The following NR5A2 variants were observed in gnomAD, a reference collection of about 807,000 sequenced individuals.
The protein encoded by NR5A2 is CYP7A promoter-binding factor.
In NR5A2, 26 loss-of-function variants were observed where a neutral mutation model predicts 62.7. That is an observed-to-expected ratio of 0.41 (90% CI 0.30 to 0.58). The LOEUF (loss-of-function observed/expected upper bound fraction) is 0.58. Ranked by LOEUF, NR5A2 falls within the 20% of genes least tolerant of loss-of-function variation. The probability of loss-of-function intolerance (pLI) is 0.22; values close to 1 mark genes in which losing one functional copy is unlikely to be tolerated. For missense variants in NR5A2, 541 were observed against 669.1 expected, an observed-to-expected ratio of 0.81 and a Z score of 2.11; for synonymous variants, 246 against 241.7, an observed-to-expected ratio of 1.02 and a Z score of -0.16.
intron 5 of NR5A2, among the ~76,000 whole-genome samples, chr1:200,091,761 G>A (rs1008094927): frequency 6.6e-6 from 1 of 152,196 alleles, no homozygotes; most frequent in African/African-American, 2.4e-5. Flanking sequence ...GGGATTACAG[G>A]CGTGAGCCAC....
chr1:200,137,882 A>G (rs896339620), intron 7 of NR5A2, among the ~76,000 whole-genome samples: 1 of 152,208 alleles, frequency 6.6e-6, no homozygotes, highest in Non-Finnish European at 1.5e-5. Context: ...GACAGCCCAT[A>G]TCAAAAGGGA....
intron 7 of NR5A2, among the ~76,000 whole-genome samples, chr1:200,127,605 G>T (rs1571522553): frequency 7.0e-6 from 1 of 142,372 alleles, no homozygotes; most frequent in African/African-American, 2.6e-5. Context: ...TCAACCCAGG[G>T]GGCGGAGGTT....
chr1:200,111,407 CTCTT>C, intron 6 of NR5A2, 86 bp downstream of exon 6: 2 of 1,447,234 alleles, frequency 1.4e-6, no homozygotes, highest in Non-Finnish European at 1.8e-6. Context: ...GTCAGAAGCA[CTCTT>C]GTGCTTTGAA....
intron 5 of NR5A2, among the ~76,000 whole-genome samples, chr1:200,093,142 G>A (rs1000137403): frequency 6.6e-6 from 1 of 152,008 alleles, no homozygotes; most frequent in African/African-American, 2.4e-5. Context: ...CTGACCTTGT[G>A]ATCCACCCAT....
chr1:200,120,237 A>C (rs1404889720), intron 6 of NR5A2, among the ~76,000 whole-genome samples: 2 of 152,236 alleles, frequency 1.3e-5, no homozygotes, highest in East Asian at 3.8e-4. Context: ...GTCTCATAAT[A>C]CAAGTAGAAA....
chr1:200,049,810 C>A (rs1207278240), intron 5 of NR5A2, among the ~76,000 whole-genome samples: 1 of 152,126 alleles, frequency 6.6e-6, no homozygotes, highest in East Asian at 1.9e-4. Context: ...AAGGAAAATG[C>A]AAAGCCGACT....
intron 5 of NR5A2, among the ~76,000 whole-genome samples, chr1:200,093,831 C>A (rs1664931218): frequency 1.3e-5 from 2 of 152,140 alleles, no homozygotes; most frequent in South Asian, 4.1e-4. Flanking sequence ...ATTGAATTAA[C>A]CTCATTCTTT....
chr1:200,049,818 A>G (rs988725248), intron 5 of NR5A2, among the ~76,000 whole-genome samples: 4 of 152,288 alleles, frequency 2.6e-5, no homozygotes, highest in Admixed American at 2.6e-4. Flanking sequence ...TGCAAAGCCG[A>G]CTTTTAATTT....
intron 5 of NR5A2, among the ~76,000 whole-genome samples, chr1:200,091,465 C>A (rs1190937409): frequency 6.6e-6 from 1 of 150,758 alleles, no homozygotes; most frequent in East Asian, 1.9e-4. Context: ...TTTGCACCTC[C>A]TTACCCTTTG....
chr1:200,049,407 GC>G (rs771770339), intron 5 of NR5A2, among the ~76,000 whole-genome samples: 2 of 152,174 alleles, frequency 1.3e-5, no homozygotes, highest in Non-Finnish European at 2.9e-5. Context: ...TGGGGAATGG[GC>G]AAATGGTGAG....
chr1:200,087,419 G>T (rs1664604486), intron 5 of NR5A2, among the ~76,000 whole-genome samples: 5 of 151,508 alleles, frequency 3.3e-5, no homozygotes, highest in Admixed American at 3.3e-4. Context: ...TTTTGAGACG[G>T]AGTCTCACTC....
In NR5A2 at chr1:200,048,568, A is replaced by G; in HGVS notation, c.860A>G (p.Tyr287Cys). The change falls in exon 5 of 8, where the codon TAT becomes TGT. Residue 287 changes from tyrosine (Y) to cysteine (C), a missense_variant. Tyr to Cys is a radical substitution (Grantham distance 194). Transcript: ENST00000367362. This position sits in a 1 kb window ranked among gnomAD's most constrained non-coding sequence, Gnocchi z 4.8. ...YTSSPESIMG[Y>C]SYMDSYQTSS... ...AGCTCACCCGAGTCCATAATGGGCT[A>G]TTCATATATGGATAGTTACCAGACG... 6.2e-7 allele frequency: 1 copy of G among 1,614,188 alleles called. No individual in the cohort carries two copies. The highest frequency in any genetic ancestry group is 8.5e-7 in the Non-Finnish European group (1 of 1,180,040).
In NR5A2 at chr1:200,094,754, G is replaced by A. The variant is rs577671886; in HGVS notation, c.1111-16448G>A. ...TCGCTGTGCTAGCCAGGATGGTGTC[G>A]ATCTCCTGACCTTGTGATCTGCCCG... On this transcript the variant is annotated intron_variant, in intron 5 of 7. Coordinates refer to ENST00000367362, the MANE Select transcript of NR5A2 (RefSeq NM_205860.3). Among the ~76,000 whole-genome samples the A allele has an allele frequency of 5.3e-5, 8 of 151,540 alleles. No homozygotes were observed. The East Asian group carries it at 1.6e-3, about 30-fold the overall frequency.
rs1293357314 is a variant in NR5A2 at position 200,039,002 on chromosome 1, C to A, written c.65-656C>A. 1.3e-5 allele frequency among the ~76,000 whole-genome samples: 2 copies of A among 152,032 alleles called. No homozygotes were observed. Among genetic ancestry groups the A allele is most frequent in the Non-Finnish European group, 2.9e-5 (2 of 67,998 alleles). On this transcript the variant is annotated intron_variant, in intron 1 of 7. Transcript: ENST00000367362. This position sits in a 1 kb window ranked among gnomAD's most constrained non-coding sequence, Gnocchi z 5.1. ...CTGGCCCTACTTACCTCCTTCTCCC[C>A]CTCGTCTTCCCCCCTGTCCTTCCCA...
chr1:200,166,790 T>TAAA (rs1482774877), intron 7 of NR5A2, among the ~76,000 whole-genome samples: 6 of 152,224 alleles, frequency 3.9e-5, no homozygotes, highest in South Asian at 4.1e-4. Context: ...TCTCAACCCC[T>TAAA]TTAAGCCTCT....
At chr1:200,099,381 A>G (rs1357682508) in intron 5 of NR5A2, among the ~76,000 whole-genome samples, 1 of 151,800 alleles carries the variant, frequency 6.6e-6, no homozygotes, top group East Asian at 1.9e-4. Context: ...GCAACCTATG[A>G]AGGAAGAAGT....
At chr1:200,072,436 A>ATGT (rs1663780802) in intron 5 of NR5A2, among the ~76,000 whole-genome samples, 1 of 152,194 alleles carries the variant, frequency 6.6e-6, no homozygotes, top group Non-Finnish European at 1.5e-5. Flanking sequence ...GATTTACCTC[A>ATGT]TAATGTGACA....
chr1:200,144,022 T>A (rs545552440), intron 7 of NR5A2, among the ~76,000 whole-genome samples: 6 of 152,322 alleles, frequency 3.9e-5, no homozygotes, highest in African/African-American at 1.4e-4. Context: ...TGAGCCTAGC[T>A]ATGTCCTTTT....
intron 6 of NR5A2, among the ~76,000 whole-genome samples, chr1:200,114,165 A>G (rs1277764135): frequency 6.8e-6 from 1 of 147,884 alleles, no homozygotes. Flanking sequence ...CCTTGGCAAC[A>G]GAGCAAGACG....
Sources: allele counts gnomAD v4.1 joint callset (sites outside exome capture counted in the v4.1 genomes callset), GRCh38; gene constraint gnomAD v4.1.1; non-coding constraint Gnocchi (gnomAD v3.1); transcripts MANE v1.5; gene names NCBI Gene and HGNC (gene_info 2026-07-23, HGNC 2026-07-21).